Variants in RAB36 observed in about 807,000 individuals in gnomAD.
RAB36 encodes the protein ras-related protein Rab-36.
RAB36 carries 33 observed loss-of-function variants against 39.3 expected under a neutral mutation model. That is an observed-to-expected ratio of 0.84 (90% CI 0.64 to 1.12). RAB36 has a LOEUF of 1.12. Among genes scored for constraint, RAB36 ranks in the 50% most tolerant of loss-of-function variants. The pLI is 0.00. For synonymous variants in RAB36, 133 were observed against 140.2 expected (o/e 0.95, Z 0.36); for missense variants, 308 against 355.3 (o/e 0.87, Z 1.07).
In RAB36 at chr22:23,161,493, C is replaced by G. The variant is rs758356005; in HGVS notation, c.740-7C>G. 1.2e-6 allele frequency: 2 copies of G among 1,606,882 alleles called. No homozygotes were observed. The highest frequency in any genetic ancestry group is 2.2e-5 in the South Asian group (2 of 90,768). On this transcript the variant is annotated splice_region_variant and splice_polypyrimidine_tract_variant and intron_variant, in intron 10 of 10. Coordinates refer to ENST00000263116, the MANE Select transcript of RAB36 (RefSeq NM_004914.5). ...TTGATGCTAAATTACTTCTCCCCTC[C>G]TTACAGAAATGGAAGGGAGTCCGCC...
chr22:23,157,928 TG>T (rs1213753437), intron 6 of RAB36, 63 bp from the exon 7 acceptor site: 16 of 1,608,644 alleles, frequency 9.9e-6, no homozygotes, highest in African/African-American at 4.0e-5. Context: ...GGGCACCTCC[TG>T]GGGAGCCCCC....
At chr22:23,152,865 C>G (rs940575529) in intron 4 of RAB36, among the ~76,000 whole-genome samples, 168 bp from the exon 5 acceptor site, 6 of 152,220 alleles carry the variant, frequency 3.9e-5, no homozygotes, top group African/African-American at 1.4e-4. Flanking sequence ...GCCTCCCTTT[C>G]CCCACATTGT....
At chr22:23,151,828 A>G (rs2071147183) in intron 3 of RAB36, among the ~76,000 whole-genome samples, 1 of 152,178 alleles carries the variant, frequency 6.6e-6, no homozygotes, top group Non-Finnish European at 1.5e-5. Flanking sequence ...AGAGCCCAAG[A>G]ACCTCAGAGC....
Position 23,164,746 on chromosome 22 carries a change from G to A in RAB36, c.*3182G>A, listed in dbSNP as rs2071999069. On this transcript the variant is annotated 3_prime_UTR_variant, in exon 11 of 11. Transcript: ENST00000263116. ...TCCCTGTTTCCCTGGACCCTTTCCT[G>A]CTCTCTGTCCATCTGTGTGTCCTTC... Among the ~76,000 whole-genome samples the A allele has an allele frequency of 6.6e-6, 1 of 152,036 alleles. No homozygotes were observed. Among genetic ancestry groups the A allele is most frequent in the African/African-American group, 2.4e-5 (1 of 41,386 alleles).
At chr22:23,147,742 C>T (rs545282469) in intron 2 of RAB36, among the ~76,000 whole-genome samples, 2 of 152,298 alleles carry the variant, frequency 1.3e-5, no homozygotes, top group East Asian at 1.9e-4. Flanking sequence ...TAAGATACAA[C>T]GTAAACATCC....
At chr22:23,152,799 T>C (rs2071234252) in intron 4 of RAB36, among the ~76,000 whole-genome samples, 1 of 152,154 alleles carries the variant, frequency 6.6e-6, no homozygotes, top group African/African-American at 2.4e-5. Flanking sequence ...TCCCTGCAAA[T>C]GGCTGCTCAG....
intron 2 of RAB36, among the ~76,000 whole-genome samples, chr22:23,147,714 G>A (rs2070873209): frequency 6.6e-6 from 1 of 152,212 alleles, no homozygotes; most frequent in Non-Finnish European, 1.5e-5. Context: ...GGTTGGAGCA[G>A]TTTGTAAGAA....
chr22:23,155,192 A>G (rs1166757461), intron 5 of RAB36, among the ~76,000 whole-genome samples: 1 of 152,208 alleles, frequency 6.6e-6, no homozygotes, highest in Non-Finnish European at 1.5e-5. Context: ...CAGTTTACTG[A>G]GAAAAGTTCA....
At chr22:23,168,291 C>T (rs368689771), downstream of RAB36, among the ~76,000 whole-genome samples, 70 of 152,168 alleles carry the variant, frequency 4.6e-4, 1 homozygote, top group East Asian at 9.7e-3. Context: ...CCTGGGCCCC[C>T]GGGGATGCTG....
chr22:23,152,937 G>C, intron 4 of RAB36, 96 bp from the exon 5 acceptor site: 1 of 869,182 alleles, frequency 1.2e-6, no homozygotes, highest in Non-Finnish European at 1.9e-6. Context: ...ATGGGAAGTG[G>C]ACCTTATTTG....
intron 7 of RAB36, 41 bp from the exon 8 acceptor site, chr22:23,158,857 G>C (rs574157586): frequency 6.3e-7 from 1 of 1,576,834 alleles, no homozygotes; most frequent in Non-Finnish European, 8.7e-7. Context: ...TTTGGGGTGG[G>C]AGGATGGGTG....
downstream of RAB36, among the ~76,000 whole-genome samples, chr22:23,168,754 A>G (rs1230780273): frequency 6.6e-6 from 1 of 152,108 alleles, no homozygotes; most frequent in African/African-American, 2.4e-5. Context: ...GCCAGTGTCT[A>G]AGCCTGGGCC....
rs1308893234 is a variant in RAB36, at chr22:23,162,441, C to T, written c.*877C>T. On this transcript the variant is annotated 3_prime_UTR_variant, in exon 11 of 11. Transcript: ENST00000263116. ...ATGCTGGGCCTGTGCCCACTGCTGC[C>T]TCTCCATCCCTCTCTCATTGGCCTA... 1 of 355,720 alleles carries T rather than the reference C, an allele frequency of 2.8e-6. No individual in the cohort carries two copies. Among genetic ancestry groups the T allele is most frequent in the Non-Finnish European group, 5.6e-6 (1 of 177,642 alleles). The allele number at this position is 355,720 out of a possible 1,614,324, so 22.0% of individuals were successfully genotyped here.
Position 23,161,669 on chromosome 22 carries a change from C to G in RAB36, c.*105C>G. 3 of 1,035,594 alleles carry G rather than the reference C, an allele frequency of 2.9e-6. No individual in the cohort carries two copies. The highest frequency in any genetic ancestry group is 4.2e-6 in the Non-Finnish European group (3 of 712,566). The allele number at this position is 1,035,594 out of a possible 1,614,324, so 64.2% of individuals were successfully genotyped here. On this transcript the variant is annotated 3_prime_UTR_variant, in exon 11 of 11. Transcript: ENST00000263116. ...CCCAAGCTCTGCAGCGTGTCGCCCT[C>G]AAGCTGTAGGCCCATGTTCCAGTCC...
chr22:23,153,382 A>G (rs2071274260), intron 5 of RAB36: 1 of 199,556 alleles, frequency 5.0e-6, no homozygotes, highest in Non-Finnish European at 9.0e-6. Flanking sequence ...CCACCTGCCC[A>G]TGACCTCCCC....
intron 5 of RAB36, among the ~76,000 whole-genome samples, chr22:23,155,675 T>A (rs549446480): frequency 6.6e-6 from 1 of 152,246 alleles, no homozygotes; most frequent in Admixed American, 6.5e-5. Flanking sequence ...TCCATTTTAA[T>A]GTCTCAGTCA....
At position 23,145,549 on chromosome 22, in the gene RAB36, C is replaced by A; in HGVS notation, c.-15C>A. ...GGAGCCCCAGCTTTCACAGCCATCG[C>A]TGGTGAGTCAGCTCGCCCACTCTGT... is the stretch of plus-strand genomic sequence containing the variant. On this transcript the variant is annotated splice_region_variant and 5_prime_UTR_variant, in exon 1 of 11. It adds an upstream start codon to the 5' untranslated region. Transcript: ENST00000263116. The A allele has an allele frequency of 6.2e-7, 1 of 1,600,154 alleles. No individual in the cohort carries two copies. Among genetic ancestry groups the A allele is most frequent in the East Asian group, 2.2e-5 (1 of 44,830 alleles).
Position 23,160,867 on chromosome 22 carries a change from G to T in RAB36, c.620-12G>T. 6.2e-7 allele frequency: 1 copy of T among 1,611,820 alleles called. No homozygotes were observed. Among genetic ancestry groups the T allele is most frequent in the South Asian group, 1.1e-5 (1 of 90,898 alleles). On this transcript the variant is annotated splice_polypyrimidine_tract_variant and intron_variant, in intron 9 of 10. Coordinates refer to ENST00000263116, the MANE Select transcript of RAB36 (RefSeq NM_004914.5). ...ACACTGATGAGGTCCCGGCTGTCTT[G>T]TGGGCCCACAGGCGAGAACGTGAAG...
At chr22:23,154,510 T>A (rs2071351703) in intron 5 of RAB36, among the ~76,000 whole-genome samples, 1 of 152,180 alleles carries the variant, frequency 6.6e-6, no homozygotes, top group South Asian at 2.1e-4. Flanking sequence ...GCTGCAGGAC[T>A]GAGGGATCCA....
Sources: allele counts gnomAD v4.1 joint callset (sites outside exome capture counted in the v4.1 genomes callset), GRCh38; gene constraint gnomAD v4.1.1; transcripts MANE v1.5; gene names NCBI Gene and HGNC (gene_info 2026-07-23, HGNC 2026-07-21).